PCDHGA11: variants seen among roughly 807,000 people sequenced by gnomAD.
PCDHGA11 encodes the protein protocadherin gamma-A11.
In PCDHGA11, 39 loss-of-function variants were observed where a neutral mutation model predicts 60.4. The ratio of observed to expected loss-of-function variants is 0.65; its 90% CI spans 0.50 to 0.84. The LOEUF (loss-of-function observed/expected upper bound fraction) is 0.84. Among genes scored for constraint, PCDHGA11 ranks in the 40% least tolerant of loss-of-function variants. The pLI, the probability that PCDHGA11 is intolerant of heterozygous loss-of-function variation, is 0.00. For missense variants in PCDHGA11, 1,165 were observed against 1,197.7 expected (o/e 0.97, Z 0.40); for synonymous variants, 533 against 510.3 (o/e 1.04, Z -0.60).
At position 141,511,420 on chromosome 5, in the gene PCDHGA11, G is replaced by A; in HGVS notation, c.*247G>A. On this transcript the variant is annotated 3_prime_UTR_variant, in exon 4 of 4. Coordinates refer to ENST00000398587, the MANE Select transcript of PCDHGA11 (RefSeq NM_018914.3). ...TCCAATCAACTGCTGTACCCATGGG[G>A]GTAGTGGGGTTACTGTAGACACCAA... 2.4e-6 allele frequency: 2 copies of A among 830,862 alleles called. No individual in the cohort carries two copies. Among genetic ancestry groups the A allele is most frequent in the Non-Finnish European group, 1.8e-6 (1 of 557,336 alleles). The allele number at this position is 830,862 out of a possible 1,614,324, so 51.5% of individuals were successfully genotyped here.
chr5:141,433,329 G>A, intron 1 of PCDHGA11: 1 of 702,998 alleles, frequency 1.4e-6, no homozygotes, highest in Non-Finnish European at 2.4e-6. Context: ...GTGTAACAGG[G>A]ACTACAGGTG....
In PCDHGA11 at chr5:141,490,912, AATG is replaced by A; in HGVS notation, c.2434-3892_2434-3890del. 6.2e-7 allele frequency: 1 copy of A among 1,613,644 alleles called. No homozygotes were observed. Among genetic ancestry groups the A allele is most frequent in the Non-Finnish European group, 8.5e-7 (1 of 1,179,684 alleles). On this transcript the variant is annotated intron_variant, in intron 1 of 3. Transcript: ENST00000398587. This position sits in a 1 kb window ranked among gnomAD's most constrained non-coding sequence, Gnocchi z 5.4. ...TCTGCATGTGTTTGTCCTAGACGAG[AATG>A]ATAATGCCCCAGCTGTGCTGCACCC...
Position 141,421,788 on chromosome 5 carries a change from G to C in PCDHGA11, c.561G>C (p.Thr187=), listed in dbSNP as rs1262781272. Residue 187 remains threonine, a synonymous_variant, in exon 1 of 4, where the codon ACG becomes ACC. Coordinates refer to ENST00000398587, the MANE Select transcript of PCDHGA11 (RefSeq NM_018914.3). The part of the protein sequence containing the change: ...NYFSLQLRGR[T]DGAKNPELVL... The stretch of plus-strand genomic sequence containing the variant: ...TTTCCTTGCAACTGCGGGGCAGAAC[G>C]GATGGGGCCAAGAATCCAGAGCTAG... 7 of 1,613,682 alleles carry C rather than the reference G, an allele frequency of 4.3e-6. No individual in the cohort carries two copies. The highest frequency in any genetic ancestry group is 3.3e-5 in the Admixed American group (2 of 59,990).
rs143252334 is a variant in PCDHGA11 at position 141,431,395 on chromosome 5, T to A, written c.2433+7735T>A. On this transcript the variant is annotated intron_variant, in intron 1 of 3. Transcript: ENST00000398587. The surrounding 1 kb of genome is among the most constrained non-coding windows in gnomAD (Gnocchi z 4.8). ...AAAAGGCTGCTCACCACCTGGTCCT[T>A]ACGGCCTCCGACGGGGGCGACCCGG... 2 of 1,613,720 alleles carry A rather than the reference T, an allele frequency of 1.2e-6. No individual in the cohort carries two copies. Among genetic ancestry groups the A allele is most frequent in the African/African-American group, 2.7e-5 (2 of 74,950 alleles).
chr5:141,457,429 C>A (rs73280316), intron 1 of PCDHGA11, among the ~76,000 whole-genome samples: 7 of 152,178 alleles, frequency 4.6e-5, no homozygotes, highest in Non-Finnish European at 7.4e-5. Flanking sequence ...TTTTCCCCCC[C>A]ACCAAGCTGC....
At chr5:141,458,058 C>T (rs997664641) in intron 1 of PCDHGA11, among the ~76,000 whole-genome samples, 3 of 152,196 alleles carry the variant, frequency 2.0e-5, no homozygotes, top group Non-Finnish European at 4.4e-5. Context: ...TCTTGCTGCA[C>T]TGATGCGAAC....
intron 1 of PCDHGA11, among the ~76,000 whole-genome samples, chr5:141,454,701 C>G (rs1182969868): frequency 6.6e-6 from 1 of 151,760 alleles, no homozygotes; most frequent in Non-Finnish European, 1.5e-5. Context: ...CCACCATGCT[C>G]CACCTGCTTA....
chr5:141,478,657 G>A, intron 1 of PCDHGA11: 2 of 1,551,912 alleles, frequency 1.3e-6, no homozygotes, highest in Non-Finnish European at 1.7e-6. Flanking sequence ...TCCTGGTGAT[G>A]CATTCACACT....
rs778589637 is a variant in PCDHGA11 at position 141,487,133 on chromosome 5, C to T, written c.2434-7674C>T. On this transcript the variant is annotated intron_variant, in intron 1 of 3. Coordinates refer to ENST00000398587, the MANE Select transcript of PCDHGA11 (RefSeq NM_018914.3). The surrounding 1 kb of genome is among the most constrained non-coding windows in gnomAD (Gnocchi z 5.0). ...TGTGGTAAAGGATAGTGGTAGTCCA[C>T]CACTCTCTACCTCTGTTACTCTCTT... 8.7e-6 allele frequency: 14 copies of T among 1,613,932 alleles called. No homozygotes were observed. In the South Asian group the frequency reaches 1.5e-4, roughly 18 times the overall value.
In PCDHGA11 at chr5:141,487,153, T is replaced by C; in HGVS notation, c.2434-7654T>C. The stretch of plus-strand genomic sequence containing the variant: ...GTCCACCACTCTCTACCTCTGTTAC[T>C]CTCTTAGTGTCCTTAGAGGAAGACA... On this transcript the variant is annotated intron_variant, in intron 1 of 3. Coordinates refer to ENST00000398587, the MANE Select transcript of PCDHGA11 (RefSeq NM_018914.3). This position sits in a 1 kb window ranked among gnomAD's most constrained non-coding sequence, Gnocchi z 5.0. 3 of 1,613,954 alleles carry C rather than the reference T, an allele frequency of 1.9e-6. No individual in the cohort carries two copies. Among genetic ancestry groups the C allele is most frequent in the Non-Finnish European group, 2.5e-6 (3 of 1,179,838 alleles).
At chr5:141,426,334 C>T (rs551131722) in intron 1 of PCDHGA11, 1 of 186,734 alleles carries the variant, frequency 5.4e-6, no homozygotes, top group South Asian at 1.1e-4. Flanking sequence ...GTGGCAAGCA[C>T]TCTTCCCTTT....
chr5:141,480,951 G>A (rs924500955), intron 1 of PCDHGA11, among the ~76,000 whole-genome samples: 4 of 152,038 alleles, frequency 2.6e-5, no homozygotes, highest in Non-Finnish European at 2.9e-5. Flanking sequence ...AGGCTGAGGC[G>A]GAAGCATCAG....
Position 141,477,071 on chromosome 5 carries a change from G to T in PCDHGA11, c.2434-17736G>T. 6.2e-7 allele frequency: 1 copy of T among 1,614,226 alleles called. No individual in the cohort carries two copies. The highest frequency in any genetic ancestry group is 8.5e-7 in the Non-Finnish European group (1 of 1,180,030). ...GGACTTCGAGGACACCAAACTCCAT[G>T]AGATTTACATCCAGGCCAAAGACAA... is the stretch of plus-strand genomic sequence containing the variant. On this transcript the variant is annotated intron_variant, in intron 1 of 3. Coordinates refer to ENST00000398587, the MANE Select transcript of PCDHGA11 (RefSeq NM_018914.3). This position sits in a 1 kb window ranked among gnomAD's most constrained non-coding sequence, Gnocchi z 4.9.
intron 1 of PCDHGA11, among the ~76,000 whole-genome samples, chr5:141,494,328 G>T (rs1595238527): frequency 6.6e-6 from 1 of 152,200 alleles, no homozygotes; most frequent in Non-Finnish European, 1.5e-5. Flanking sequence ...CACCAAAAGG[G>T]TTACCAAGAA....
chr5:141,492,464 C>G (rs1595116794), intron 1 of PCDHGA11, among the ~76,000 whole-genome samples: 1 of 152,354 alleles, frequency 6.6e-6, no homozygotes, highest in Non-Finnish European at 1.5e-5. Context: ...GCCTGAGGGT[C>G]CCAGATCGCG....
intron 3 of PCDHGA11, among the ~76,000 whole-genome samples, chr5:141,506,189 G>A (rs529165145): frequency 3.6e-4 from 55 of 152,262 alleles, no homozygotes; most frequent in African/African-American, 1.1e-3. Flanking sequence ...GGTGGCTCAC[G>A]CCTGTAATCC....
At chr5:141,450,836 T>A (rs991599340) in intron 1 of PCDHGA11, among the ~76,000 whole-genome samples, 2 of 149,760 alleles carry the variant, frequency 1.3e-5, no homozygotes, top group African/African-American at 4.9e-5. Flanking sequence ...ATTATTTTTT[T>A]TTTTTTGAGA....
Position 141,421,812 on chromosome 5 carries a change from A to G in PCDHGA11, c.585A>G (p.Leu195=), listed in dbSNP as rs779804436. The change falls in exon 1 of 4, where the codon CTA becomes CTG. Residue 195 remains leucine (L), a synonymous_variant. Transcript: ENST00000398587. The part of the protein sequence containing the change: ...GRTDGAKNPE[L]VLEGSLDREK... ...CGGATGGGGCCAAGAATCCAGAGCTAGTACTGGAGGGAAGCCTGGACCGAG... is the reference window on the plus strand; with the variant it reads ...CGGATGGGGCCAAGAATCCAGAGCTGGTACTGGAGGGAAGCCTGGACCGAG... 9.9e-6 allele frequency: 16 copies of G among 1,613,704 alleles called. 1 individual carries two copies. In the South Asian group the frequency reaches 1.5e-4, roughly 16 times the overall value.
rs751065595 is a variant in PCDHGA11, at chr5:141,422,975, C to T, written c.1748C>T (p.Ala583Val). The T allele has an allele frequency of 8.1e-5, 130 of 1,614,092 alleles. No homozygotes were observed. The highest frequency in any genetic ancestry group is 1.0e-4 in the Non-Finnish European group (122 of 1,180,038). The change falls in exon 1 of 4, where the codon GCG becomes GTG. Residue 583 changes from alanine (A) to valine (V), a missense_variant. Transcript: ENST00000398587. ...STGVELAPRS[A>V]EPGYLVTKVV... is the part of the protein sequence containing the mutation. ...GGCGTGGAGCTGGCGCCCCGCTCTG[C>T]GGAACCTGGCTACCTGGTGACCAAG...
Sources: allele counts gnomAD v4.1 joint callset (sites outside exome capture counted in the v4.1 genomes callset), GRCh38; gene constraint gnomAD v4.1.1; non-coding constraint Gnocchi (gnomAD v3.1); transcripts MANE v1.5; gene names NCBI Gene and HGNC (gene_info 2026-07-23, HGNC 2026-07-21).